Variants in HTR1F observed in about 807,000 individuals in gnomAD.
HTR1F encodes 5-hydroxytryptamine (serotonin) receptor 1F, G protein-coupled.
A neutral mutation model predicts 24.0 loss-of-function variants in HTR1F; 17 were observed. The ratio of observed to expected loss-of-function variants is 0.71; its 90% confidence interval spans 0.48 to 1.06. The LOEUF is 1.06. Among genes scored for constraint, HTR1F ranks in the 50% least tolerant of loss-of-function variants. HTR1F has a pLI of 0.00. For missense variants in HTR1F, 391 were observed against 427.8 expected, an observed-to-expected ratio of 0.91 and a Z score of 0.76; for synonymous variants, 186 against 156.8, an observed-to-expected ratio of 1.19 and a Z score of -1.39.
intron 2 of HTR1F, among the ~76,000 whole-genome samples, chr3:87,919,012 T>C (rs1484536254): frequency 6.6e-6 from 1 of 152,126 alleles, no homozygotes; most frequent in African/African-American, 2.4e-5. Context: ...AGCGTGGTAC[T>C]GGTATAAAAA....
intron 2 of HTR1F, among the ~76,000 whole-genome samples, chr3:87,906,709 G>A (rs537475452): frequency 7.3e-5 from 11 of 150,434 alleles, no homozygotes; most frequent in Admixed American, 2.7e-4. Flanking sequence ...TCATTCCCCC[G>A]GGTCCCCAAA....
At chr3:87,834,663 T>C (rs1186296909) in intron 2 of HTR1F, among the ~76,000 whole-genome samples, 3 of 152,208 alleles carry the variant, frequency 2.0e-5, no homozygotes, top group Non-Finnish European at 4.4e-5. Flanking sequence ...CTGCAAAGTA[T>C]AACCTGCAGG....
At chr3:87,980,314 C>T (rs1705512955) in intron 2 of HTR1F, among the ~76,000 whole-genome samples, 1 of 152,150 alleles carries the variant, frequency 6.6e-6, no homozygotes, top group Admixed American at 6.5e-5. Flanking sequence ...TGGGTAGCTT[C>T]TACCTGTAGT....
intron 2 of HTR1F, among the ~76,000 whole-genome samples, chr3:87,919,635 T>A (rs1703968690): frequency 6.6e-6 from 1 of 152,044 alleles, no homozygotes; most frequent in Admixed American, 6.6e-5. Context: ...ACATCACTAA[T>A]AATCAGGGAA....
chr3:87,988,720 C>T (rs1394478463), intron 2 of HTR1F, among the ~76,000 whole-genome samples: 1 of 151,766 alleles, frequency 6.6e-6, no homozygotes, highest in East Asian at 1.9e-4. Context: ...AGGCGTGTGC[C>T]ACCAAGCCCC....
chr3:87,944,143 G>T (rs955647492), intron 2 of HTR1F, among the ~76,000 whole-genome samples: 3 of 152,162 alleles, frequency 2.0e-5, no homozygotes, highest in Admixed American at 1.3e-4. Context: ...GGTCTGGGCT[G>T]CTGGATTCTA....
intron 2 of HTR1F, among the ~76,000 whole-genome samples, chr3:87,882,205 A>C (rs890960722): frequency 2.0e-5 from 3 of 152,178 alleles, no homozygotes; most frequent in African/African-American, 7.2e-5. Flanking sequence ...AAAAGTCAGG[A>C]AACAACAGGT....
At chr3:87,936,065 G>C (rs1392431645) in intron 2 of HTR1F, among the ~76,000 whole-genome samples, 1 of 152,118 alleles carries the variant, frequency 6.6e-6, no homozygotes, top group Non-Finnish European at 1.5e-5. Context: ...GGCCAGGCTG[G>C]TCTCAAACTC....
At chr3:87,891,972 A>G (rs926840170) in intron 2 of HTR1F, among the ~76,000 whole-genome samples, 1 of 152,140 alleles carries the variant, frequency 6.6e-6, no homozygotes, top group Non-Finnish European at 1.5e-5. Flanking sequence ...CCAACTCAAG[A>G]CACATTTTCA....
rs1704636069 is a variant in HTR1F, at chr3:87,944,014, T to G, written c.-42-46694T>G. 2.6e-5 allele frequency among the ~76,000 whole-genome samples: 4 copies of G among 152,336 alleles called. No homozygotes were observed. In the South Asian group the frequency reaches 8.3e-4, roughly 32 times the overall value. On this transcript the variant is annotated intron_variant, in intron 2 of 2. Transcript: ENST00000319595. ...ACTAGAGCCCCCTCTGTGGTCCTAA[T>G]GCTTATTCCTTTCCAGGGTGCGTAA...
At chr3:87,984,457 G>GT (rs11447278) in intron 2 of HTR1F, among the ~76,000 whole-genome samples, 90,701 of 151,752 alleles carry the variant, frequency 0.6, 27,350 homozygotes, top group South Asian at 0.73. Context: ...TTGTTTGTTT[G>GT]TTTTGTTTTT....
At chr3:87,819,970 ATAAGT>A (rs1704323719) in intron 1 of HTR1F, among the ~76,000 whole-genome samples, 3 of 152,126 alleles carry the variant, frequency 2.0e-5, no homozygotes, top group African/African-American at 7.2e-5. Flanking sequence ...AATGCTATAT[ATAAGT>A]TAATTCTTAA....
intron 1 of HTR1F, among the ~76,000 whole-genome samples, chr3:87,820,208 G>A: frequency 7.7e-6 from 1 of 129,832 alleles, no homozygotes; most frequent in South Asian, 2.4e-4. Flanking sequence ...ACAGAGTCTC[G>A]CTCTGTCGCC....
intron 2 of HTR1F, among the ~76,000 whole-genome samples, chr3:87,869,432 GATAC>G (rs879498079): frequency 0.023 from 3,107 of 134,356 alleles, 47 homozygotes; most frequent in African/African-American, 0.05. Flanking sequence ...TAGATAGATA[GATAC>G]ATAGATAGAT....
At chr3:87,974,616 C>T (rs1396245467) in intron 2 of HTR1F, among the ~76,000 whole-genome samples, 1 of 151,990 alleles carries the variant, frequency 6.6e-6, no homozygotes, top group Non-Finnish European at 1.5e-5. Context: ...GCAGTGATTC[C>T]TATATGTAAT....
intron 2 of HTR1F, among the ~76,000 whole-genome samples, chr3:87,932,745 T>C (rs1576050920): frequency 2.0e-5 from 3 of 151,424 alleles, no homozygotes; most frequent in Admixed American, 2.0e-4. Flanking sequence ...CAGGACCAGA[T>C]GGACTCACAG....
intron 2 of HTR1F, among the ~76,000 whole-genome samples, chr3:87,862,481 A>G (rs1053326049): frequency 6.6e-5 from 10 of 152,224 alleles, no homozygotes; most frequent in Non-Finnish European, 1.5e-4. Context: ...ATTTTGGGAG[A>G]CAAACAGCAT....
intron 2 of HTR1F, among the ~76,000 whole-genome samples, chr3:87,885,378 C>G (rs1440883804): frequency 2.6e-5 from 4 of 152,152 alleles, no homozygotes; most frequent in African/African-American, 9.6e-5. Flanking sequence ...TAAATGCCCA[C>G]AAGAGAAAGC....
chr3:87,925,061 T>C (rs528958471), intron 2 of HTR1F, among the ~76,000 whole-genome samples: 19 of 117,058 alleles, frequency 1.6e-4, no homozygotes, highest in African/African-American at 4.7e-4. Context: ...TTATTCATTC[T>C]TTTTTTTTTG....
Sources: gnomAD v4.1 joint callset for allele counts (sites outside exome capture counted in the v4.1 genomes callset) on GRCh38, gnomAD v4.1.1 for gene constraint, MANE v1.5 for transcripts, NCBI Gene and HGNC (gene_info 2026-07-23, HGNC 2026-07-21) for gene names.